The following OSBPL7 variants were observed in gnomAD, a reference collection of about 807,000 sequenced individuals.
OSBPL7 encodes the protein oxysterol binding protein like 7.
In OSBPL7, 66 loss-of-function variants were observed where a neutral mutation model predicts 115.8. The ratio of observed to expected loss-of-function variants is 0.57; its 90% CI spans 0.47 to 0.70. OSBPL7 has a LOEUF of 0.70. Ranked by LOEUF, OSBPL7 falls within the 30% of genes least tolerant of loss-of-function variation. The pLI, the probability that OSBPL7 is intolerant of heterozygous loss-of-function variation, is 0.00. For missense variants in OSBPL7, 902 were observed against 1,125.5 expected (o/e 0.80, Z 2.84); for synonymous variants, 441 against 439.2 (o/e 1.00, Z -0.05).
intron 5 of OSBPL7, 44 bp from the exon 6 acceptor site, chr17:47,818,660 AC>A: frequency 6.6e-7 from 1 of 1,520,920 alleles, no homozygotes; most frequent in Non-Finnish European, 9.0e-7. Context: ...GAAGAGAGGG[AC>A]CACTTTCCAA....
Position 47,810,588 on chromosome 17 carries a change from T to A in OSBPL7, c.1880+6A>T, listed in dbSNP as rs2033008335. 1.2e-6 allele frequency: 2 copies of A among 1,613,268 alleles called. No homozygotes were observed. The highest frequency in any genetic ancestry group is 8.5e-7 in the Non-Finnish European group (1 of 1,179,402). ...GGCCTGGCTGCTGAGAGTCTAAGAA[T>A]CCCACCTGGGCAGGCTGACGTTGAC... On this transcript the variant is annotated splice_donor_region_variant and intron_variant, in intron 18 of 22. Transcript: ENST00000007414.
At chr17:47,809,036 G>A in intron 20 of OSBPL7, 40 bp downstream of exon 20, 1 of 1,613,740 alleles carries the variant, frequency 6.2e-7, no homozygotes, top group Non-Finnish European at 8.5e-7. Flanking sequence ...TGCCTGAGCT[G>A]CTCCAGCCTC....
Position 47,816,039 on chromosome 17 carries a change from G to A in OSBPL7, c.1119+68C>T. 7.1e-7 allele frequency: 1 copy of A among 1,412,710 alleles called. No individual in the cohort carries two copies. Among genetic ancestry groups the A allele is most frequent in the South Asian group, 1.4e-5 (1 of 73,672 alleles). 87.5% of individuals were successfully genotyped at this position (1,412,710 alleles called of 1,614,324 possible). A position where few individuals can be genotyped will look rare whatever the true frequency, so the allele number is the denominator to read the frequency against. On this transcript the variant is annotated intron_variant, in intron 12 of 22. Transcript: ENST00000007414. This position sits in a 1 kb window ranked among gnomAD's most constrained non-coding sequence, Gnocchi z 5.8. Reference sequence around the variant, plus strand: ...AAAACCAACTTTGCCCACTGCCCTGGGCCTTGGCTTTCGCTGGGAGAGAAG... The same window carrying A: ...AAAACCAACTTTGCCCACTGCCCTGAGCCTTGGCTTTCGCTGGGAGAGAAG...
At position 47,818,339 on chromosome 17, in the gene OSBPL7, A is replaced by G. The variant is rs747407596; in HGVS notation, c.528T>C (p.Pro176=). The change falls in exon 7 of 23, where the codon CCT becomes CCC. Residue 176 remains proline (P), a synonymous_variant. Coordinates refer to ENST00000007414, the MANE Select transcript of OSBPL7 (RefSeq NM_145798.3). ...LPTAATASAL[P]GLGPREKVSS... is the part of the protein sequence containing the mutation. ...ACACTTTCTCCCGCGGTCCAAGCCCAGGTAGGGCTGAGGCAGTAGCTGCTG... is the reference window on the plus strand; with the variant it reads ...ACACTTTCTCCCGCGGTCCAAGCCCGGGTAGGGCTGAGGCAGTAGCTGCTG... 8 of 1,614,150 alleles carry G rather than the reference A, an allele frequency of 5.0e-6. No individual in the cohort carries two copies. In the Admixed American group the frequency reaches 1.0e-4, roughly 20 times the overall value.
intron 3 of OSBPL7, 48 bp downstream of exon 3, chr17:47,819,923 C>CATGA: frequency 1.6e-6 from 2 of 1,229,560 alleles, no homozygotes; most frequent in Non-Finnish European, 2.3e-6. Flanking sequence ...CCCCCCATTC[C>CATGA]CACCCCGCCC....
At chr17:47,814,492 C>A in intron 14 of OSBPL7, 29 bp downstream of exon 14, 1 of 1,435,050 alleles carries the variant, frequency 7.0e-7, no homozygotes, top group South Asian at 1.1e-5. Context: ...CGCCTCCCAC[C>A]CCTCCCTGCC....
At position 47,815,269 on chromosome 17, in the gene OSBPL7, C is replaced by T. The variant is rs760978313; in HGVS notation, c.1203G>A (p.Thr401=). 3.4e-5 allele frequency: 55 copies of T among 1,613,964 alleles called. No homozygotes were observed. The Middle Eastern group carries it at 5.0e-4, about 15-fold the overall frequency. Residue 401 remains threonine (T), a synonymous_variant, in exon 13 of 23, where the codon ACG becomes ACA. Coordinates refer to ENST00000007414, the MANE Select transcript of OSBPL7 (RefSeq NM_145798.3). ...GAACCTCGCAGGCATCGAAGAACTC[C>T]GTGTGGGAATCAGCAAGGGACAGGA... ...TSILSLADSH[T]EFFDACEVLL... is the part of the protein sequence containing the mutation.
Position 47,819,009 on chromosome 17 carries a change from C to CAGTGTCA in OSBPL7, c.339_345dup (p.Glu116Ter). On this transcript the variant is annotated stop_gained and frameshift_variant, in exon 5 of 23. Transcript: ENST00000007414. LOFTEE classifies it high-confidence loss of function. ...ACCTTGAGGTGGTAGATGTTGTCTT[C>CAGTGTCA]AGTGTCAAGGTCAATGCGCTGGGCC... 1 of 1,614,122 alleles carries CAGTGTCA rather than the reference C, an allele frequency of 6.2e-7. No individual in the cohort carries two copies. The highest frequency in any genetic ancestry group is 8.5e-7 in the Non-Finnish European group (1 of 1,179,976).
chr17:47,819,479 G>T (rs775218581), intron 4 of OSBPL7: 31 of 594,388 alleles, frequency 5.2e-5, no homozygotes, highest in Non-Finnish European at 7.5e-5. Context: ...CACTTATTCT[G>T]CCCTGTCCAG....
At chr17:47,821,083 C>A (rs1217762378) in intron 1 of OSBPL7, among the ~76,000 whole-genome samples, 1 of 152,164 alleles carries the variant, frequency 6.6e-6, no homozygotes, top group Non-Finnish European at 1.5e-5. Flanking sequence ...AAAGGAGATA[C>A]TTCATGAGAG....
At position 47,821,689 on chromosome 17, in the gene OSBPL7, C is replaced by A. The variant is rs1006037302; in HGVS notation, c.-111G>T. 6.6e-6 allele frequency: 1 copy of A among 152,352 alleles called. No individual in the cohort carries two copies. The highest frequency in any genetic ancestry group is 2.4e-5 in the African/African-American group (1 of 41,472). The allele number at this position is 152,352 out of a possible 1,614,324, so 9.4% of individuals were successfully genotyped here. On this transcript the variant is annotated 5_prime_UTR_variant, in exon 1 of 23. Transcript: ENST00000007414. ...ACCCCAGGGTCCATGGACGCCAGTACTCCTTGGCCCTTGCGCCGCTCTGCC... is the reference window on the plus strand; with the variant it reads ...ACCCCAGGGTCCATGGACGCCAGTAATCCTTGGCCCTTGCGCCGCTCTGCC...
chr17:47,809,133 A>G lies in OSBPL7; in HGVS notation c.2113T>C (p.Trp705Arg). The change falls in exon 20 of 23, where the codon TGG becomes CGG. Residue 705 changes from tryptophan to arginine, a missense_variant. By Grantham distance (101) the Trp-to-Arg change is moderately radical. Around this residue, in one of 3 missense-constraint regions of OSBPL7, gnomAD observed 230 missense variants for 312.7 expected, o/e 0.74. Coordinates refer to ENST00000007414, the MANE Select transcript of OSBPL7 (RefSeq NM_145798.3). ...GRVLHRLFGK[W>R]HEGLYRGPTP... ...GGTCCCCGGTACAGCCCCTCGTGCC[A>G]CTTCCCAAAGAGTCGGTGGAGGACA... 1 of 1,614,102 alleles carries G rather than the reference A, an allele frequency of 6.2e-7. No individual in the cohort carries two copies. Among genetic ancestry groups the G allele is most frequent in the Non-Finnish European group, 8.5e-7 (1 of 1,180,024 alleles).
chr17:47,819,249 C>A, intron 4 of OSBPL7, 150 bp from the exon 5 acceptor site: 1 of 633,550 alleles, frequency 1.6e-6, no homozygotes, highest in South Asian at 1.9e-5. Context: ...AGAGACTTGT[C>A]AATCATCCTC....
In OSBPL7 at chr17:47,819,104, G is replaced by A. The variant is rs763796719; in HGVS notation, c.256-5C>T. On this transcript the variant is annotated splice_region_variant and splice_polypyrimidine_tract_variant and intron_variant, in intron 4 of 22. Transcript: ENST00000007414. ...ATGGAGCTTCCCCTTGGTGATCTGGGGGTGAAGTGTTGGTAGAGGGAGAGG... is the reference window on the plus strand; with the variant it reads ...ATGGAGCTTCCCCTTGGTGATCTGGAGGTGAAGTGTTGGTAGAGGGAGAGG... 4 of 1,612,912 alleles carry A rather than the reference G, an allele frequency of 2.5e-6. No homozygotes were observed. Among genetic ancestry groups the A allele is most frequent in the East Asian group, 4.5e-5 (2 of 44,874 alleles).
Position 47,808,461 on chromosome 17 carries a change from G to A in OSBPL7, c.2421-62C>T, listed in dbSNP as rs1327557619. 5.6e-6 allele frequency: 9 copies of A among 1,613,786 alleles called. No individual in the cohort carries two copies. The Admixed American group carries it at 1.2e-4, about 21-fold the overall frequency. ...TCTAGAAGGCAGGCTAGGGTCCTAA[G>A]GTGCTGCCTCCCACACCTGCCCTGC... On this transcript the variant is annotated intron_variant, in intron 22 of 22. Coordinates refer to ENST00000007414, the MANE Select transcript of OSBPL7 (RefSeq NM_145798.3). This position sits in a 1 kb window ranked among gnomAD's most constrained non-coding sequence, Gnocchi z 6.1.
Position 47,815,328 on chromosome 17 carries a change from G to A in OSBPL7, c.1144C>T (p.Arg382Cys), listed in dbSNP as rs761294104. 18 of 1,613,686 alleles carry A rather than the reference G, an allele frequency of 1.1e-5. No individual in the cohort carries two copies. The highest frequency in any genetic ancestry group is 2.2e-5 in the East Asian group (1 of 44,884). Residue 382 changes from arginine (R) to cysteine (C), a missense_variant, in exon 13 of 23, where the codon CGC becomes TGC. Coordinates refer to ENST00000007414, the MANE Select transcript of OSBPL7 (RefSeq NM_145798.3). ...EEQEALYMKG[R>C]ELTPQLSQTS... The stretch of plus-strand genomic sequence containing the variant: ...TGCGATAGCTGGGGGGTGAGCTCGC[G>A]CCCCTTCATGTACAGAGCTTCTTGC...
In OSBPL7 at chr17:47,808,694, C is replaced by T; in HGVS notation, c.2298-34G>A. On this transcript the variant is annotated intron_variant, in intron 21 of 22. Coordinates refer to ENST00000007414, the MANE Select transcript of OSBPL7 (RefSeq NM_145798.3). The surrounding 1 kb of genome is among the most constrained non-coding windows in gnomAD (Gnocchi z 6.1). The stretch of plus-strand genomic sequence containing the variant: ...CCAGATCAAACTCAGGGGAACTGCC[C>T]ATCTGCAGGGGCCCCCAAACCCAAG... 6.2e-7 allele frequency: 1 copy of T among 1,612,694 alleles called. No homozygotes were observed. Among genetic ancestry groups the T allele is most frequent in the East Asian group, 2.2e-5 (1 of 44,862 alleles).
chr17:47,818,356 TA>T lies in OSBPL7; in HGVS notation c.510del (p.Thr171LeufsTer18). On this transcript the variant is annotated frameshift_variant, in exon 7 of 23. Transcript: ENST00000007414. LOFTEE classifies it high-confidence loss of function. ...KVPGAQLPTAATASALPGLGP... is the reference protein window; with the variant it reads ...KVPGAQLPTAXTASALPGLGP... ...CCAAGCCCAGGTAGGGCTGAGGCAGTAGCTGCTGTTGGAAGCTGGGCACCAG... is the reference window on the plus strand; with the variant it reads ...CCAAGCCCAGGTAGGGCTGAGGCAGTGCTGCTGTTGGAAGCTGGGCACCAG... 1 of 1,614,094 alleles carries T rather than the reference TA, an allele frequency of 6.2e-7. No homozygotes were observed. The highest frequency in any genetic ancestry group is 1.7e-5 in the Admixed American group (1 of 60,022).
In OSBPL7 at chr17:47,814,493, CCTCCCTGCCTG is replaced by C; in HGVS notation, c.1351+17_1351+27del. 1 of 1,469,114 alleles carries C rather than the reference CCTCCCTGCCTG, an allele frequency of 6.8e-7. No homozygotes were observed. The highest frequency in any genetic ancestry group is 9.5e-7 in the Non-Finnish European group (1 of 1,050,752). The allele number at this position is 1,469,114 out of a possible 1,614,324, so 91.0% of individuals were successfully genotyped here. On this transcript the variant is annotated intron_variant, in intron 14 of 22. Coordinates refer to ENST00000007414, the MANE Select transcript of OSBPL7 (RefSeq NM_145798.3). ...CCTGTTTTTCCACCCGCCTCCCACCCCTCCCTGCCTGCCCACCCAGCTGGCACCTTTCTGAC... is the reference window on the plus strand; with the variant it reads ...CCTGTTTTTCCACCCGCCTCCCACCCCCCACCCAGCTGGCACCTTTCTGAC...
Sources: gnomAD v4.1 joint callset for allele counts (sites outside exome capture counted in the v4.1 genomes callset) on GRCh38, gnomAD v4.1.1 for gene constraint, gnomAD v4.1.1 regional missense constraint, Gnocchi (gnomAD v3.1) non-coding constraint, MANE v1.5 for transcripts, NCBI Gene and HGNC (gene_info 2026-07-23, HGNC 2026-07-21) for gene names.